The following RFC1 variants were observed in gnomAD, a reference collection of about 807,000 sequenced individuals.
The protein encoded by RFC1 is A1 140 kDa subunit.
A neutral mutation model predicts 137.4 loss-of-function variants in RFC1; 37 were observed. The observed-to-expected ratio is 0.27, with a 90% CI of 0.21 to 0.35. The LOEUF (loss-of-function observed/expected upper bound fraction) is 0.35, where lower values mean the gene tolerates loss of function less well. RFC1 is among the 10% of genes least tolerant of loss of function. The pLI is 1.00. For missense variants in RFC1, 1,205 were observed against 1,358.5 expected (o/e 0.89, Z 1.78); for synonymous variants, 429 against 455.7 (o/e 0.94, Z 0.75).
At chr4:39,321,210 G>A (rs1739502785) in intron 8 of RFC1, 77 bp downstream of exon 8, 1 of 1,084,156 alleles carries the variant, frequency 9.2e-7, no homozygotes, top group Admixed American at 1.8e-5. Context: ...TACTGAATAG[G>A]ATACTTAAAC....
rs747148742 is a variant in RFC1 at position 39,345,434 on chromosome 4, G to A, written c.175C>T (p.Pro59Ser). 6.2e-7 allele frequency: 1 copy of A among 1,613,796 alleles called. No individual in the cohort carries two copies. The highest frequency in any genetic ancestry group is 8.5e-7 in the Non-Finnish European group (1 of 1,179,866). Residue 59 changes from proline (P) to serine (S), a missense_variant, in exon 3 of 25, where the codon CCA (proline) becomes TCA (serine). Coordinates refer to ENST00000349703, the MANE Select transcript of RFC1 (RefSeq NM_002913.5). Reference protein sequence around the residue: ...RKEDDFKQKQPSKKKRIIYDS... With the variant: ...RKEDDFKQKQSSKKKRIIYDS... ...TAGATGATCCTCTTTTTCTTGCTTGGTTGCTTTTGTTTGAAGTCATCCTCT... is the reference window on the plus strand; with the variant it reads ...TAGATGATCCTCTTTTTCTTGCTTGATTGCTTTTGTTTGAAGTCATCCTCT...
At position 39,345,444 on chromosome 4, in the gene RFC1, T is replaced by A. The variant is rs1209600239; in HGVS notation, c.165A>T (p.Lys55Asn). The stretch of plus-strand genomic sequence containing the variant: ...TCTTTTTCTTGCTTGGTTGCTTTTG[T>A]TTGAAGTCATCCTCTTTACGGGAGC... ...VNSSRKEDDF[K>N]QKQPSKKKRI... The change falls in exon 3 of 25, where the codon AAA becomes AAT. Residue 55 changes from lysine (K) to asparagine (N), a missense_variant. Physicochemically the swap from Lys to Asn is moderately conservative, Grantham distance 94. Around this residue, in one of 3 missense-constraint regions of RFC1, gnomAD observed 962 missense variants for 1,035.3 expected, o/e 0.93. Transcript: ENST00000349703. 1.7e-5 allele frequency: 28 copies of A among 1,613,824 alleles called. No individual in the cohort carries two copies. The highest frequency in any genetic ancestry group is 2.1e-5 in the Non-Finnish European group (25 of 1,179,896).
intron 6 of RFC1, among the ~76,000 whole-genome samples, chr4:39,324,676 G>C (rs1292559172): frequency 6.6e-6 from 1 of 152,210 alleles, no homozygotes; most frequent in Non-Finnish European, 1.5e-5. Flanking sequence ...GATAAGCACT[G>C]ATGTAACAAT....
At chr4:39,325,496 C>A (rs1332344667) in intron 6 of RFC1, among the ~76,000 whole-genome samples, 3 of 152,222 alleles carry the variant, frequency 2.0e-5, no homozygotes, top group Admixed American at 6.5e-5. Flanking sequence ...AATCCTCCCA[C>A]CTCTGCCTCC....
intron 4 of RFC1, among the ~76,000 whole-genome samples, chr4:39,339,354 T>G (rs908279890): frequency 6.6e-6 from 1 of 152,148 alleles, no homozygotes; most frequent in African/African-American, 2.4e-5. Context: ...CCAATCTACA[T>G]TCCCACCAAT....
In RFC1 at chr4:39,302,512, T is replaced by C. The variant is rs770941636; in HGVS notation, c.2424A>G (p.Gln808=). The C allele has an allele frequency of 3.7e-6, 6 of 1,601,546 alleles. No individual in the cohort carries two copies. In the African/African-American group the frequency reaches 8.0e-5, roughly 21 times the overall value. The change falls in exon 18 of 25, where the codon CAA becomes CAG. Residue 808 remains glutamine (Q), a synonymous_variant. Transcript: ENST00000349703. ...ATATTTAATTTACCTGTCTGATATCTTGATTGGCTCCCAAAATTATTTCAT... is the reference window on the plus strand; with the variant it reads ...ATATTTAATTTACCTGTCTGATATCCTGATTGGCTCCCAAAATTATTTCAT... ...AMNEIILGAN[Q]DIRQVLHNLS...
At chr4:39,333,381 C>G (rs1484277904) in intron 4 of RFC1, among the ~76,000 whole-genome samples, 1 of 152,066 alleles carries the variant, frequency 6.6e-6, no homozygotes, top group Non-Finnish European at 1.5e-5. Context: ...CATAGTAACT[C>G]TTGGAGATAA....
At chr4:39,351,560 G>A (rs2109758250) in intron 1 of RFC1, 84 bp from the exon 2 acceptor site, 2 of 1,211,950 alleles carry the variant, frequency 1.7e-6, no homozygotes, top group South Asian at 3.0e-5. Context: ...ACAGCTTTAT[G>A]TACACACTGG....
rs763699827 is a variant in RFC1, at chr4:39,363,248, CTTCT to C, written c.3+2987_3+2990del. Reference sequence around the variant, plus strand: ...AGTGAAATTCAAATTGTCTACATGGCTTCTTTATTTCTTTTATTTTTAATTTTCT... The same window carrying C: ...AGTGAAATTCAAATTGTCTACATGGCTTATTTCTTTTATTTTTAATTTTCT... On this transcript the variant is annotated intron_variant, in intron 1 of 24. Transcript: ENST00000349703. Among the ~76,000 whole-genome samples the C allele has an allele frequency of 2.2e-4, 33 of 152,262 alleles. No homozygotes were observed. In the East Asian group the frequency reaches 5.4e-3, roughly 25 times the overall value.
intron 1 of RFC1, among the ~76,000 whole-genome samples, chr4:39,356,570 A>T (rs1741491983): frequency 6.6e-6 from 1 of 152,194 alleles, no homozygotes; most frequent in Non-Finnish European, 1.5e-5. Flanking sequence ...ACTTTGTGCT[A>T]TGACTTTACC....
intron 21 of RFC1, among the ~76,000 whole-genome samples, chr4:39,298,228 A>G (rs1416077327): frequency 6.9e-6 from 1 of 145,122 alleles, no homozygotes; most frequent in Non-Finnish European, 1.5e-5. Flanking sequence ...GGATCACTTG[A>G]GCCCAGGAGG....
At chr4:39,304,562 A>G (rs1456821666) in intron 15 of RFC1, among the ~76,000 whole-genome samples, 1 of 152,168 alleles carries the variant, frequency 6.6e-6, no homozygotes, top group Non-Finnish European at 1.5e-5. Context: ...TCACCTGTGA[A>G]TCCTCTAAAA....
rs374996861 is a variant in RFC1, at chr4:39,288,728, G to A, written c.*33C>T. 4.2e-6 allele frequency: 6 copies of A among 1,412,604 alleles called. No homozygotes were observed. The highest frequency in any genetic ancestry group is 6.0e-6 in the Non-Finnish European group (6 of 998,920). The allele number at this position is 1,412,604 out of a possible 1,614,324, so 87.5% of individuals were successfully genotyped here. A position where few individuals can be genotyped will look rare whatever the true frequency, so the allele number is the denominator to read the frequency against. ...CCAGCTGGACTGGTCAGGAGGGAGAGTAAAAAGTGGCTGTCGCTAGTGAAA... is the reference window on the plus strand; with the variant it reads ...CCAGCTGGACTGGTCAGGAGGGAGAATAAAAAGTGGCTGTCGCTAGTGAAA... On this transcript the variant is annotated 3_prime_UTR_variant, in exon 25 of 25. Coordinates refer to ENST00000349703, the MANE Select transcript of RFC1 (RefSeq NM_002913.5).
rs1005041838 is a variant in RFC1, at chr4:39,299,279, C to A, written c.2808+742G>T. ...GACTGGCTTGCTGTTAATAAATACA[C>A]GGGTAAATCTCTGTTCGAGGCTCTC... On this transcript the variant is annotated intron_variant, in intron 21 of 24. Coordinates refer to ENST00000349703, the MANE Select transcript of RFC1 (RefSeq NM_002913.5). 3.9e-5 allele frequency among the ~76,000 whole-genome samples: 6 copies of A among 152,220 alleles called. No individual in the cohort carries two copies. In the East Asian group the frequency reaches 7.7e-4, roughly 20 times the overall value.
rs778438832 is a variant in RFC1 at position 39,327,718 on chromosome 4, T to C, written c.370A>G (p.Lys124Glu). Residue 124 changes from lysine (K) to glutamate (E), a missense_variant, in exon 5 of 25, where the codon AAA (lysine) becomes GAA (glutamate). Coordinates refer to ENST00000349703, the MANE Select transcript of RFC1 (RefSeq NM_002913.5). Reference protein sequence around the residue: ...DDFMCKKAASKSKENGRSTNS... With the variant: ...DDFMCKKAASESKENGRSTNS... ...GTAGATCTTCCATTCTCTTTTGATT[T>C]AGAGGCCGCCTTCTTACACATAAAG... The C allele has an allele frequency of 6.2e-7, 1 of 1,611,670 alleles. No individual in the cohort carries two copies. The highest frequency in any genetic ancestry group is 2.2e-5 in the East Asian group (1 of 44,790).
At chr4:39,328,840 C>T (rs1739923291) in intron 4 of RFC1, among the ~76,000 whole-genome samples, 1 of 152,072 alleles carries the variant, frequency 6.6e-6, no homozygotes, top group Non-Finnish European at 1.5e-5. Flanking sequence ...ACTTAGAAAG[C>T]TACTGCAGTT....
intron 14 of RFC1, 93 bp from the exon 15 acceptor site, chr4:39,305,021 A>G (rs902676866): frequency 7.8e-6 from 6 of 770,902 alleles, no homozygotes; most frequent in Non-Finnish European, 1.4e-5. Context: ...AAGAAGGTAC[A>G]AAATTAATAT....
At chr4:39,354,551 C>T (rs1477208687) in intron 1 of RFC1, among the ~76,000 whole-genome samples, 2 of 152,058 alleles carry the variant, frequency 1.3e-5, no homozygotes, top group African/African-American at 2.4e-5. Flanking sequence ...CAAAGCAGAA[C>T]ATCAAGGCCA....
chr4:39,344,454 G>A (rs1001318421), intron 3 of RFC1, among the ~76,000 whole-genome samples: 6 of 152,078 alleles, frequency 3.9e-5, no homozygotes, highest in African/African-American at 1.4e-4. Flanking sequence ...AACTGGAAAA[G>A]AAATTAATAC....
Sources: allele counts gnomAD v4.1 joint callset (sites outside exome capture counted in the v4.1 genomes callset), GRCh38; gene constraint gnomAD v4.1.1; regional missense constraint gnomAD v4.1.1; transcripts MANE v1.5; gene names NCBI Gene and HGNC (gene_info 2026-07-23, HGNC 2026-07-21).